WWOX: variants seen among roughly 807,000 people sequenced by gnomAD.
The protein encoded by WWOX is WW domain containing oxidoreductase.
A neutral mutation model predicts 46.2 loss-of-function variants in WWOX; 69 were observed. That is an observed-to-expected ratio of 1.49 (90% CI 1.23 to 1.82). WWOX has a LOEUF of 1.82. Among genes scored for constraint, WWOX ranks in the 40% most tolerant of loss-of-function variants. The probability of loss-of-function intolerance (pLI) is 0.00; values close to 1 mark genes in which losing one functional copy is unlikely to be tolerated. For missense variants in WWOX, 919 were observed against 542.6 expected, an observed-to-expected ratio of 1.69 and a Z score of -6.89; for synonymous variants, 359 against 202.6, an observed-to-expected ratio of 1.77 and a Z score of -6.56.
chr16:78,684,746 ATAC>A (rs1260065209), intron 8 of WWOX, among the ~76,000 whole-genome samples: 1 of 152,196 alleles, frequency 6.6e-6, no homozygotes, highest in African/African-American at 2.4e-5. Flanking sequence ...GGGACGCATC[ATAC>A]TGAACTATGG....
At chr16:78,541,384 G>C (rs987569713) in intron 8 of WWOX, among the ~76,000 whole-genome samples, 28 of 143,456 alleles carry the variant, frequency 2.0e-4, no homozygotes, top group African/African-American at 6.9e-4. Flanking sequence ...TGAGGCAGGA[G>C]AATGGCGTGA....
At chr16:78,454,323 G>A (rs1216417430) in intron 8 of WWOX, among the ~76,000 whole-genome samples, 1 of 151,110 alleles carries the variant, frequency 6.6e-6, no homozygotes, top group Non-Finnish European at 1.5e-5. Flanking sequence ...AGTTTTTTCT[G>A]TTAAAACCCA....
At chr16:78,647,003 T>A (rs542557497) in intron 8 of WWOX, among the ~76,000 whole-genome samples, 2 of 152,138 alleles carry the variant, frequency 1.3e-5, no homozygotes, top group African/African-American at 4.8e-5. Context: ...GGCCCAGATA[T>A]ACAGATGTCA....
chr16:78,526,528 C>A (rs553372166), intron 8 of WWOX: 2 of 152,342 alleles, frequency 1.3e-5, no homozygotes, highest in South Asian at 4.2e-4. Context: ...ACTTAATCTC[C>A]CTTTTCCATG....
At chr16:78,260,050 G>T (rs1268640262) in intron 5 of WWOX, among the ~76,000 whole-genome samples, 1 of 151,132 alleles carries the variant, frequency 6.6e-6, no homozygotes, top group African/African-American at 2.4e-5. Flanking sequence ...AGCAGGCGTT[G>T]CCAGAGAACT....
chr16:78,194,066 G>C (rs1033137117), intron 5 of WWOX, among the ~76,000 whole-genome samples: 6 of 145,868 alleles, frequency 4.1e-5, no homozygotes, highest in Admixed American at 4.1e-4. Flanking sequence ...TTTTGGTAGA[G>C]ACGGGGTTTC....
At chr16:78,408,791 G>T (rs1470736042) in intron 6 of WWOX, among the ~76,000 whole-genome samples, 1 of 152,180 alleles carries the variant, frequency 6.6e-6, no homozygotes, top group Non-Finnish European at 1.5e-5. Context: ...ACCTTTGGGA[G>T]GTAGGAAGGG....
intron 8 of WWOX, among the ~76,000 whole-genome samples, chr16:78,549,211 G>C (rs979857377): frequency 6.6e-6 from 1 of 152,132 alleles, no homozygotes; most frequent in African/African-American, 2.4e-5. Flanking sequence ...ATCAAAGGCA[G>C]AATTAAAATC....
chr16:78,867,783 A>ATC (rs2044038611), intron 8 of WWOX, among the ~76,000 whole-genome samples: 1 of 152,148 alleles, frequency 6.6e-6, no homozygotes, highest in Admixed American at 6.6e-5. Flanking sequence ...TATACTGCCA[A>ATC]TCTGAGGCCT....
chr16:78,818,808 A>G (rs1039734157), intron 8 of WWOX, among the ~76,000 whole-genome samples: 9 of 152,206 alleles, frequency 5.9e-5, no homozygotes, highest in African/African-American at 1.2e-4. Context: ...CAGTATACGT[A>G]ATTCCAAAGG....
chr16:78,370,772 T>G (rs2081658782), intron 5 of WWOX, among the ~76,000 whole-genome samples: 1 of 49,924 alleles, frequency 2.0e-5, no homozygotes, highest in African/African-American at 6.8e-5. Context: ...ACTTTAAACT[T>G]TTTTTCTTTT....
chr16:78,390,974 G>A lies in WWOX; in HGVS notation c.605+4026G>A, dbSNP rs559210205. Among the ~76,000 whole-genome samples the A allele has an allele frequency of 2.6e-5, 4 of 152,298 alleles. No homozygotes were observed. In the South Asian group the frequency reaches 8.3e-4, roughly 32 times the overall value. On this transcript the variant is annotated intron_variant, in intron 6 of 8. Transcript: ENST00000566780. ...ATTATCAGGCTCTGAGTTCCTGTGTGTATTCCCTTGGTCCATGCTCCATCT... is the reference window on the plus strand; with the variant it reads ...ATTATCAGGCTCTGAGTTCCTGTGTATATTCCCTTGGTCCATGCTCCATCT...
chr16:78,967,905 A>G (rs951396746), intron 8 of WWOX, among the ~76,000 whole-genome samples: 1 of 152,166 alleles, frequency 6.6e-6, no homozygotes, highest in African/African-American at 2.4e-5. Flanking sequence ...GGAGGAGGGA[A>G]CAGGGAGACA....
intron 5 of WWOX, among the ~76,000 whole-genome samples, chr16:78,322,063 C>A (rs188579747): frequency 6.6e-6 from 1 of 152,060 alleles, no homozygotes; most frequent in African/African-American, 2.4e-5. Flanking sequence ...ATATTTGGCT[C>A]CTAGTTGTAC....
Position 78,359,908 on chromosome 16 carries a change from T to C in WWOX, c.517-26952T>C, listed in dbSNP as rs190311196. Among the ~76,000 whole-genome samples the C allele has an allele frequency of 1.8e-3, 281 of 152,342 alleles. 1 individual carries two copies. The highest frequency in any genetic ancestry group is 6.4e-3 in the African/African-American group (266 of 41,582). On this transcript the variant is annotated intron_variant, in intron 5 of 8. Coordinates refer to ENST00000566780, the MANE Select transcript of WWOX (RefSeq NM_016373.4). ...GGAATGAATTTTGTGACTTGGAAGATTGTTAGTTTTCTGTGGAGGGAACAA... is the reference window on the plus strand; with the variant it reads ...GGAATGAATTTTGTGACTTGGAAGACTGTTAGTTTTCTGTGGAGGGAACAA...
chr16:78,341,626 C>G (rs2092714052), intron 5 of WWOX, among the ~76,000 whole-genome samples: 1 of 119,012 alleles, frequency 8.4e-6, no homozygotes, highest in East Asian at 1.9e-4. Flanking sequence ...TGAGATAAGT[C>G]TAGATGGGAT....
At chr16:78,402,858 T>C (rs1215650727) in intron 6 of WWOX, among the ~76,000 whole-genome samples, 1 of 151,334 alleles carries the variant, frequency 6.6e-6, no homozygotes, top group Non-Finnish European at 1.5e-5. Flanking sequence ...GCTTTACAGC[T>C]GGTGACAGGG....
chr16:78,286,380 C>T (rs556987893), intron 5 of WWOX, among the ~76,000 whole-genome samples: 1 of 152,034 alleles, frequency 6.6e-6, no homozygotes, highest in Non-Finnish European at 1.5e-5. Context: ...TGGGGGTTGT[C>T]CCCCCCTTTT....
intron 8 of WWOX, among the ~76,000 whole-genome samples, chr16:78,939,747 C>G (rs766209140): frequency 1.4e-4 from 21 of 152,114 alleles, no homozygotes; most frequent in Non-Finnish European, 2.9e-4. Context: ...TCTGGGTAAC[C>G]CAGCCCCTTT....
Sources: gnomAD v4.1 joint callset for allele counts (sites outside exome capture counted in the v4.1 genomes callset) on GRCh38, gnomAD v4.1.1 for gene constraint, MANE v1.5 for transcripts, NCBI Gene and HGNC (gene_info 2026-07-23, HGNC 2026-07-21) for gene names.